MARK1: variants seen among roughly 807,000 people sequenced by gnomAD.
MARK1 encodes microtubule affinity regulating kinase 1.
MARK1 carries 40 observed loss-of-function variants against 96.3 expected under a neutral mutation model. The ratio of observed to expected loss-of-function variants is 0.42; its 90% CI spans 0.32 to 0.54. The LOEUF (loss-of-function observed/expected upper bound fraction) is 0.54, where lower values mean the gene tolerates loss of function less well. Among genes scored for constraint, MARK1 ranks in the 20% least tolerant of loss-of-function variants. The pLI, the probability that MARK1 is intolerant of heterozygous loss-of-function variation, is 0.16. For synonymous variants in MARK1, 317 were observed against 341.2 expected, an observed-to-expected ratio of 0.93 and a Z score of 0.78; for missense variants, 719 against 984.6, an observed-to-expected ratio of 0.73 and a Z score of 3.61.
rs1215930075 is a variant in MARK1 at position 220,650,600 on chromosome 1, C to T, written c.1471-20C>T. 5 of 1,479,948 alleles carry T rather than the reference C, an allele frequency of 3.4e-6. No homozygotes were observed. In the African/African-American group the frequency reaches 7.0e-5, roughly 21 times the overall value. 91.7% of individuals were successfully genotyped at this position (1,479,948 alleles called of 1,614,324 possible). ...AAATATATTTATAATTTTTTAATTG[C>T]CTTTTTTTTATTCTTGAAGAACAAT... On this transcript the variant is annotated intron_variant, in intron 13 of 17. Transcript: ENST00000366917.
At chr1:220,577,607 GA>G (rs1663956115) in intron 1 of MARK1, among the ~76,000 whole-genome samples, 1 of 152,200 alleles carries the variant, frequency 6.6e-6, no homozygotes, top group African/African-American at 2.4e-5. Context: ...TAAGACCAGA[GA>G]ATTTGCATTT....
chr1:220,557,741 G>C (rs1469422197), intron 1 of MARK1, among the ~76,000 whole-genome samples: 2 of 152,104 alleles, frequency 1.3e-5, no homozygotes, highest in African/African-American at 2.4e-5. Context: ...TGATAACTAT[G>C]AACAAGAACT....
At chr1:220,586,654 C>T (rs1383591456) in intron 3 of MARK1, among the ~76,000 whole-genome samples, 1 of 152,088 alleles carries the variant, frequency 6.6e-6, no homozygotes, top group Admixed American at 6.5e-5. Context: ...TGCAAAGCAT[C>T]CATTTCTATG....
chr1:220,570,272 C>T (rs908350892), intron 1 of MARK1, among the ~76,000 whole-genome samples: 1 of 151,940 alleles, frequency 6.6e-6, no homozygotes, highest in African/African-American at 2.4e-5. Context: ...GAAGAGTTAA[C>T]CCAGTGATTT....
intron 1 of MARK1, among the ~76,000 whole-genome samples, chr1:220,552,531 T>C (rs896867218): frequency 9.2e-5 from 14 of 152,208 alleles, no homozygotes; most frequent in African/African-American, 3.4e-4. Context: ...TGGGGGAATA[T>C]AGTGAGACTG....
At chr1:220,583,956 G>A (rs964127335) in intron 3 of MARK1, among the ~76,000 whole-genome samples, 2 of 151,240 alleles carry the variant, frequency 1.3e-5, no homozygotes, top group Non-Finnish European at 2.9e-5. Flanking sequence ...GTGAGCCACT[G>A]CACCCTGCCT....
At chr1:220,604,695 A>G (rs1665961546) in intron 6 of MARK1, among the ~76,000 whole-genome samples, 1 of 151,980 alleles carries the variant, frequency 6.6e-6, no homozygotes, top group Admixed American at 6.6e-5. Flanking sequence ...ATGACTTATT[A>G]CAGAAATGAT....
chr1:220,634,391 C>A (rs10779413), intron 11 of MARK1, among the ~76,000 whole-genome samples: 2 of 151,956 alleles, frequency 1.3e-5, no homozygotes, highest in Non-Finnish European at 2.9e-5. Context: ...TAAGCACCCC[C>A]ACCCCTGCCC....
intron 9 of MARK1, chr1:220,625,826 A>G: frequency 2.2e-6 from 1 of 462,340 alleles, no homozygotes; most frequent in South Asian, 1.7e-5. Context: ...AAGACCATCC[A>G]ATGAAGCCTC....
In MARK1 at chr1:220,562,517, A is replaced by G. The variant is rs575524228; in HGVS notation, c.52-16837A>G. Among the ~76,000 whole-genome samples the G allele has an allele frequency of 4.6e-5, 7 of 152,156 alleles. No homozygotes were observed. In the South Asian group the frequency reaches 8.3e-4, roughly 18 times the overall value. On this transcript the variant is annotated intron_variant, in intron 1 of 17. Coordinates refer to ENST00000366917, the MANE Select transcript of MARK1 (RefSeq NM_018650.5). The stretch of plus-strand genomic sequence containing the variant: ...CAGTAGCTAAGATAAAACTTCAGCC[A>G]TAATGAGTAAAGGAATTTGAAGGTC...
chr1:220,632,155 G>A (rs758751397), intron 10 of MARK1, 46 bp from the exon 11 acceptor site: 9 of 959,204 alleles, frequency 9.4e-6, no homozygotes, highest in Middle Eastern at 2.9e-4. Context: ...ATTTGTTTAC[G>A]AAAATAAAAC....
At chr1:220,628,864 A>G (rs1667503748) in intron 9 of MARK1, among the ~76,000 whole-genome samples, 1 of 151,958 alleles carries the variant, frequency 6.6e-6, no homozygotes, top group Non-Finnish European at 1.5e-5. Flanking sequence ...AGGCAAGCAG[A>G]TAACTTGAAC....
intron 9 of MARK1, chr1:220,626,834 A>G (rs1031505861): frequency 8.4e-5 from 31 of 367,214 alleles, no homozygotes; most frequent in South Asian, 5.0e-4. Context: ...AAAAAAAAAA[A>G]GGGTTGAGGG....
intron 1 of MARK1, among the ~76,000 whole-genome samples, chr1:220,554,010 C>T (rs1289092714): frequency 1.3e-5 from 2 of 152,166 alleles, no homozygotes; most frequent in African/African-American, 2.4e-5. Flanking sequence ...GTATATATTA[C>T]TTTCACTACT....
At position 220,579,346 on chromosome 1, in the gene MARK1, T is replaced by C; in HGVS notation, c.52-8T>C. 1.2e-6 allele frequency: 2 copies of C among 1,606,712 alleles called. No homozygotes were observed. The highest frequency in any genetic ancestry group is 2.2e-5 in the South Asian group (2 of 90,438). On this transcript the variant is annotated splice_region_variant and splice_polypyrimidine_tract_variant and intron_variant, in intron 1 of 17. Transcript: ENST00000366917. ...ATTAACAATGAAATCTTGTAAACTT[T>C]TTCTTAGCATACATCTGTGGATGGA...
At chr1:220,646,385 A>G (rs1668575317) in intron 13 of MARK1, among the ~76,000 whole-genome samples, 3 of 152,170 alleles carry the variant, frequency 2.0e-5, no homozygotes, top group Non-Finnish European at 4.4e-5. Flanking sequence ...GAGAACTACA[A>G]CCACTGCTCA....
rs1052462070 is a variant in MARK1 at position 220,598,273 on chromosome 1, G to T, written c.310-58G>T. The T allele has an allele frequency of 5.9e-6, 3 of 505,162 alleles. No individual in the cohort carries two copies. In the African/African-American group the frequency reaches 6.2e-5, roughly 10 times the overall value. The allele number at this position is 505,162 out of a possible 1,614,324, so 31.3% of individuals were successfully genotyped here. On this transcript the variant is annotated intron_variant, in intron 3 of 17. Transcript: ENST00000366917. ...TTTCTTCAAATAAATATTTTAATTG[G>T]CTCTCTGCTTGCTTGTTTTTTTTTA... is the stretch of plus-strand genomic sequence containing the variant.
chr1:220,583,918 G>A (rs778490153), intron 3 of MARK1, among the ~76,000 whole-genome samples: 6 of 148,520 alleles, frequency 4.0e-5, no homozygotes, highest in Admixed American at 6.9e-5. Flanking sequence ...TACCCACCTC[G>A]GCCTCCCAAA....
In MARK1 at chr1:220,631,079, A is replaced by G; in HGVS notation, c.954A>G (p.Glu318=). 1 of 1,613,246 alleles carries G rather than the reference A, an allele frequency of 6.2e-7. No individual in the cohort carries two copies. Among genetic ancestry groups the G allele is most frequent in the South Asian group, 1.1e-5 (1 of 91,036 alleles). ...GGATGAATGTTGGTCATGAAGAGGA[A>G]GAACTAAAGCCATATACTGAGCCTG... ...DRWMNVGHEE[E]ELKPYTEPDP... Residue 318 remains glutamate, a synonymous_variant, in exon 10 of 18, where the codon GAA becomes GAG. Coordinates refer to ENST00000366917, the MANE Select transcript of MARK1 (RefSeq NM_018650.5).
Sources: allele counts gnomAD v4.1 joint callset (sites outside exome capture counted in the v4.1 genomes callset), GRCh38; gene constraint gnomAD v4.1.1; transcripts MANE v1.5; gene names NCBI Gene and HGNC (gene_info 2026-07-23, HGNC 2026-07-21).